The following CFAP210 variants were observed in gnomAD, a reference collection of about 807,000 sequenced individuals.
The protein encoded by CFAP210 is cilia and flagella associated protein 210.
At chr2:169,674,867 A>G in the CFAP210 span, 2 of 1,510,744 alleles carry the variant, frequency 1.3e-6, no homozygotes, top group Non-Finnish European at 1.8e-6. Context: ...CAAGTAGTAC[A>G]TGAAAGTTTT....
the CFAP210 span, among the ~76,000 whole-genome samples, chr2:169,692,442 A>ACGCG: frequency 0.094 from 10,086 of 106,970 alleles, 448 homozygotes; most frequent in Middle Eastern, 0.13. Context: ...CAACAGGCGC[A>ACGCG]CGCACACACA....
chr2:169,678,199 G>A, the CFAP210 span, among the ~76,000 whole-genome samples: 1 of 151,626 alleles, frequency 6.6e-6, no homozygotes. Context: ...AATTAGCCAG[G>A]CATGGTGGCG....
At chr2:169,650,459 A>C in the CFAP210 span, 2 of 1,605,172 alleles carry the variant, frequency 1.2e-6, no homozygotes, top group South Asian at 2.3e-5. Context: ...TTCATTGTCA[A>C]GTTTCTCTTT....
the CFAP210 span, among the ~76,000 whole-genome samples, chr2:169,663,515 A>G: frequency 0.034 from 5,198 of 152,038 alleles, 289 homozygotes; most frequent in African/African-American, 0.12. Context: ...TTTCTTTCAT[A>G]TGCACCCAAT....
At chr2:169,684,273 G>A in the CFAP210 span, among the ~76,000 whole-genome samples, 1 of 152,160 alleles carries the variant, frequency 6.6e-6, no homozygotes, top group Non-Finnish European at 1.5e-5. Context: ...CCATGTACCT[G>A]CCATATTGAC....
the CFAP210 span, among the ~76,000 whole-genome samples, chr2:169,657,324 T>G: frequency 5.3e-5 from 8 of 151,684 alleles, no homozygotes; most frequent in African/African-American, 1.9e-4. Context: ...CCCAGAAAAA[T>G]GAATGAAGGC....
the CFAP210 span, chr2:169,645,944 T>G: frequency 6.2e-7 from 1 of 1,613,976 alleles, no homozygotes; most frequent in Non-Finnish European, 8.5e-7. Context: ...ATTTGCCTGA[T>G]AGCTGGGTCT....
chr2:169,661,382 A>G, the CFAP210 span: 1 of 383,554 alleles, frequency 2.6e-6, no homozygotes, highest in African/African-American at 2.1e-5. Flanking sequence ...TTCTATCCTT[A>G]TCCTTTTATC....
the CFAP210 span, among the ~76,000 whole-genome samples, chr2:169,685,528 C>T: frequency 6.6e-6 from 1 of 152,088 alleles, no homozygotes; most frequent in African/African-American, 2.4e-5. Flanking sequence ...ATATAATTTA[C>T]AAATATCTTC....
the CFAP210 span, chr2:169,658,037 G>A: frequency 6.6e-6 from 1 of 151,948 alleles, no homozygotes; most frequent in Non-Finnish European, 1.5e-5. Context: ...CATTCTTAAG[G>A]AAGCTATTCA....
chr2:169,690,919 C>G, the CFAP210 span, among the ~76,000 whole-genome samples: 2 of 152,046 alleles, frequency 1.3e-5, no homozygotes, highest in African/African-American at 4.8e-5. Context: ...ATCACTGAGC[C>G]TTTTGATTGT....
At chr2:169,694,405 C>A in the CFAP210 span, 2 of 1,433,642 alleles carry the variant, frequency 1.4e-6, no homozygotes, top group South Asian at 2.3e-5. Flanking sequence ...ACTCGTACCA[C>A]GCGGTTGCTT....
chr2:169,678,733 G>A, the CFAP210 span, among the ~76,000 whole-genome samples: 1 of 152,078 alleles, frequency 6.6e-6, no homozygotes, highest in Non-Finnish European at 1.5e-5. Context: ...ACTGAGGCAG[G>A]AGAATTGCTT....
the CFAP210 span, among the ~76,000 whole-genome samples, chr2:169,660,304 T>C: frequency 6.6e-6 from 1 of 151,638 alleles, no homozygotes; most frequent in Non-Finnish European, 1.5e-5. Flanking sequence ...ACAGAAGAAT[T>C]GCTTGAACCC....
the CFAP210 span, among the ~76,000 whole-genome samples, chr2:169,685,235 C>A: frequency 3.9e-5 from 6 of 151,998 alleles, no homozygotes; most frequent in African/African-American, 1.5e-4. Flanking sequence ...TAACAACATA[C>A]GAAGGTTTCA....
the CFAP210 span, among the ~76,000 whole-genome samples, chr2:169,681,935 TTGCAAAGAAGCTGTTAC>T: frequency 1.3e-5 from 2 of 152,214 alleles, no homozygotes; most frequent in Admixed American, 1.3e-4. Context: ...GAAGTTATTA[TTGCAAAGAAGCTGTTAC>T]TGCAAAGAAG....
At chr2:169,647,749 G>T in the CFAP210 span, among the ~76,000 whole-genome samples, 1 of 152,134 alleles carries the variant, frequency 6.6e-6, no homozygotes, top group Non-Finnish European at 1.5e-5. Context: ...TATCAATGGA[G>T]TAAAAAGGTA....
chr2:169,663,778 T>C, the CFAP210 span, among the ~76,000 whole-genome samples: 10 of 149,768 alleles, frequency 6.7e-5, no homozygotes, highest in Non-Finnish European at 3.0e-5. Flanking sequence ...AGGTTTACGA[T>C]TGCCCTAAAA....
the CFAP210 span, among the ~76,000 whole-genome samples, chr2:169,669,301 G>C: frequency 6.6e-6 from 1 of 152,178 alleles, no homozygotes; most frequent in Non-Finnish European, 1.5e-5. Flanking sequence ...ACTGGTAAGA[G>C]AGGAGGTTGC....
Sources: allele counts gnomAD v4.1 joint callset (sites outside exome capture counted in the v4.1 genomes callset), GRCh38; gene constraint gnomAD v4.1.1; transcripts MANE v1.5; gene names NCBI Gene and HGNC (gene_info 2026-07-23, HGNC 2026-07-21).